The following FGD1 variants were observed in gnomAD, a reference collection of about 807,000 sequenced individuals.
FGD1 encodes FYVE, RhoGEF and PH domain containing 1.
FGD1 carries 12 observed loss-of-function variants against 65.0 expected under a neutral mutation model. The ratio of observed to expected loss-of-function variants is 0.18; its 90% CI spans 0.12 to 0.30. FGD1 has a LOEUF of 0.30. Among genes scored for constraint, FGD1 ranks in the 10% least tolerant of loss-of-function variants. The probability of loss-of-function intolerance (pLI) is 1.00; values close to 1 mark genes in which losing one functional copy is unlikely to be tolerated. For missense variants in FGD1, 542 were observed against 837.6 expected (o/e 0.65, Z 4.36); for synonymous variants, 333 against 343.9 (o/e 0.97, Z 0.35).
In FGD1 at chrX:54,495,301, C is replaced by T; in HGVS notation, c.132G>A (p.Ala44=). Residue 44 remains alanine, a synonymous_variant, in exon 1 of 18, where the codon GCG becomes GCA. Coordinates refer to ENST00000375135, the MANE Select transcript of FGD1 (RefSeq NM_004463.3). ...CAAGAGCCGAACCTGAGCCCCTGCGCGCCAGCAGTCCGGGTTCCGAGGCTC... is the reference window on the plus strand; with the variant it reads ...CAAGAGCCGAACCTGAGCCCCTGCGTGCCAGCAGTCCGGGTTCCGAGGCTC... The part of the protein sequence containing the change: ...DPGASEPGLL[A]RRGSGSALGG... 1 of 1,180,603 alleles carries T rather than the reference C, an allele frequency of 8.5e-7. No individual in the cohort carries two copies. Among genetic ancestry groups the T allele is most frequent in the East Asian group, 3.1e-5 (1 of 31,863 alleles).
At chrX:54,468,039 TG>T (rs1019087718) in intron 5 of FGD1, 107 bp from the exon 6 acceptor site, 31 of 717,186 alleles carry the variant, frequency 4.3e-5, no homozygotes, top group Non-Finnish European at 5.8e-5. Context: ...GGATCAGCAT[TG>T]GTCTTGAGAC....
At chrX:54,468,378 G>A (rs1922811449) in intron 5 of FGD1, among the ~76,000 whole-genome samples, 2 of 111,688 alleles carry the variant, frequency 1.8e-5, no homozygotes, top group Admixed American at 1.9e-4. Context: ...TGCTGTGTGC[G>A]AGGCACTGTC....
chrX:54,459,941 C>T (rs1922588209), intron 8 of FGD1, among the ~76,000 whole-genome samples: 2 of 106,917 alleles, frequency 1.9e-5, no homozygotes, highest in South Asian at 8.4e-4. Flanking sequence ...TTCTTTATTT[C>T]TTTACTTTCT....
intron 5 of FGD1, 138 bp from the exon 6 acceptor site, chrX:54,468,070 G>A (rs1263229875): frequency 1.4e-5 from 8 of 554,500 alleles, no homozygotes; most frequent in Non-Finnish European, 2.4e-5. Context: ...AGGGAATGGG[G>A]TTAGGGTTAT....
chrX:54,492,487 A>G (rs1247753540), intron 1 of FGD1, among the ~76,000 whole-genome samples: 1 of 111,097 alleles, frequency 9.0e-6, no homozygotes, highest in African/African-American at 3.3e-5. Flanking sequence ...TACAACCACT[A>G]ACCCTGCCCT....
intron 1 of FGD1, among the ~76,000 whole-genome samples, chrX:54,472,105 C>T (rs1209872023): frequency 1.8e-5 from 2 of 109,897 alleles, no homozygotes; most frequent in African/African-American, 6.6e-5. Flanking sequence ...AAGTGAGACC[C>T]TGTCTCTACA....
At position 54,472,506 on chromosome X, in the gene FGD1, T is replaced by C. The variant is rs554433537; in HGVS notation, c.308-1019A>G. The stretch of plus-strand genomic sequence containing the variant: ...ATACTGTCCCTCTTCCCTCACTGTA[T>C]GTCCCCTAAAGCCACCTCTATCTTT... On this transcript the variant is annotated intron_variant, in intron 1 of 17. Coordinates refer to ENST00000375135, the MANE Select transcript of FGD1 (RefSeq NM_004463.3). Among the ~76,000 whole-genome samples the C allele has an allele frequency of 7.2e-5, 8 of 110,916 alleles. No individual in the cohort carries two copies. In the South Asian group the frequency reaches 3.1e-3, roughly 42 times the overall value.
intron 1 of FGD1, among the ~76,000 whole-genome samples, chrX:54,476,057 C>T (rs939754961): frequency 9.0e-6 from 1 of 111,451 alleles, no homozygotes; most frequent in Non-Finnish European, 1.9e-5. Context: ...AAGAGCGAAA[C>T]TCTGTCTCAA....
intron 1 of FGD1, among the ~76,000 whole-genome samples, chrX:54,476,627 C>T (rs762898881): frequency 9.6e-4 from 105 of 109,562 alleles, no homozygotes; most frequent in African/African-American, 3.4e-3. Flanking sequence ...GCTGAGATTA[C>T]AGGCATGAGC....
chrX:54,465,890 C>G, intron 6 of FGD1, 38 bp from the exon 7 acceptor site: 6 of 1,204,225 alleles, frequency 5.0e-6, no homozygotes, highest in Non-Finnish European at 6.7e-6. Flanking sequence ...TCCTGCTGCT[C>G]TTTGCCCCTC....
intron 12 of FGD1, among the ~76,000 whole-genome samples, chrX:54,451,253 CCTGCA>C (rs1922370240): frequency 9.1e-6 from 1 of 110,361 alleles, no homozygotes; most frequent in Admixed American, 9.6e-5. Flanking sequence ...TTCTGTCTGC[CCTGCA>C]CTGCACTGCA....
chrX:54,448,249 G>A (rs1274441377), intron 16 of FGD1, among the ~76,000 whole-genome samples: 2 of 108,167 alleles, frequency 1.8e-5, no homozygotes, highest in Non-Finnish European at 3.8e-5. Flanking sequence ...ACAATGGCGC[G>A]ATCTTGGCTC....
chrX:54,480,216 C>A (rs1923112571), intron 1 of FGD1, among the ~76,000 whole-genome samples: 1 of 112,169 alleles, frequency 8.9e-6, no homozygotes, highest in South Asian at 3.7e-4. Context: ...GAAGGCCCTT[C>A]TGTAAAGGGA....
intron 5 of FGD1, 138 bp downstream of exon 5, chrX:54,468,649 G>A (rs1339436446): frequency 3.6e-5 from 18 of 493,935 alleles, no homozygotes; most frequent in Middle Eastern, 5.3e-4. Context: ...GGGACAAGCT[G>A]ACTTCAAGGT....
At chrX:54,483,425 C>A (rs759281358) in intron 1 of FGD1, among the ~76,000 whole-genome samples, 3 of 112,170 alleles carry the variant, frequency 2.7e-5, no homozygotes, top group South Asian at 3.6e-4. Flanking sequence ...CAGGCCCTGG[C>A]GGGCGGAAGG....
intron 1 of FGD1, among the ~76,000 whole-genome samples, chrX:54,481,382 G>T (rs1923139030): frequency 9.7e-6 from 1 of 103,143 alleles, no homozygotes; most frequent in African/African-American, 3.6e-5. Context: ...TTTAGTAGAG[G>T]ATATAAGATA....
At chrX:54,482,236 G>GCGCACACACACACACACACACACACACA (rs796491256) in intron 1 of FGD1, among the ~76,000 whole-genome samples, 1 of 99,367 alleles carries the variant, frequency 1.0e-5, no homozygotes, top group African/African-American at 3.9e-5. Flanking sequence ...GCACACGCGC[G>GCGCACACACACACACACACACACACACA]CACACACACA....
rs746279011 is a variant in FGD1, at chrX:54,495,241, C to T, written c.192G>A (p.Ser64=). Residue 64 remains serine (S), a synonymous_variant, in exon 1 of 18, where the codon TCG becomes TCA. Transcript: ENST00000375135. ...CTGGAGCAGCGCCCAGGCTGGTGTC[C>T]GAGGGTCCGACAAACTGGGGATCCA... ...GPLDPQFVGP[S]DTSLGAAPGH... The T allele has an allele frequency of 2.5e-6, 3 of 1,192,450 alleles. No homozygotes were observed. In the South Asian group the frequency reaches 5.5e-5, roughly 22 times the overall value.
chrX:54,484,054 C>T (rs2147442932), intron 1 of FGD1, among the ~76,000 whole-genome samples: 1 of 111,876 alleles, frequency 8.9e-6, no homozygotes, highest in African/African-American at 3.2e-5. Flanking sequence ...AACTCCTGAG[C>T]ACAGGGACAA....
Sources: gnomAD v4.1 joint callset for allele counts (sites outside exome capture counted in the v4.1 genomes callset) on GRCh38, gnomAD v4.1.1 for gene constraint, MANE v1.5 for transcripts, NCBI Gene and HGNC (gene_info 2026-07-23, HGNC 2026-07-21) for gene names.